The following PCDH15 variants were observed in gnomAD, a reference collection of about 807,000 sequenced individuals.
The protein encoded by PCDH15 is protocadherin related 15, also known as protocadherin-15.
A neutral mutation model predicts 178.5 loss-of-function variants in PCDH15; 129 were observed. The ratio of observed to expected loss-of-function variants is 0.72; its 90% confidence interval spans 0.63 to 0.84. The LOEUF (loss-of-function observed/expected upper bound fraction) is 0.84, where lower values mean the gene tolerates loss of function less well. PCDH15 is among the 40% of genes least tolerant of loss of function. The probability of loss-of-function intolerance (pLI) is 0.00; values close to 1 mark genes in which losing one functional copy is unlikely to be tolerated. For synonymous variants in PCDH15, 800 were observed against 732.0 expected, an observed-to-expected ratio of 1.09 and a Z score of -1.50; for missense variants, 2,230 against 2,099.9, an observed-to-expected ratio of 1.06 and a Z score of -1.21.
At chr10:54,699,943 T>G (rs778401024) in intron 1 of PCDH15, among the ~76,000 whole-genome samples, 3 of 152,076 alleles carry the variant, frequency 2.0e-5, no homozygotes, top group Non-Finnish European at 4.4e-5. Context: ...TTTTATGTAT[T>G]TTAAATATAG....
chr10:54,223,655 G>C (rs1350870602), intron 9 of PCDH15, among the ~76,000 whole-genome samples: 1 of 151,076 alleles, frequency 6.6e-6, no homozygotes, highest in Non-Finnish European at 1.5e-5. Flanking sequence ...ATAGTAAATT[G>C]AAGGAAATGT....
chr10:54,074,604 A>G (rs544440390), intron 17 of PCDH15, among the ~76,000 whole-genome samples: 1 of 152,342 alleles, frequency 6.6e-6, no homozygotes, highest in South Asian at 2.1e-4. Flanking sequence ...ATAAACATGG[A>G]AAACTGGGTT....
At chr10:55,377,897 G>C (rs1413955312) in intron 2 of PCDH15, among the ~76,000 whole-genome samples, 1 of 152,108 alleles carries the variant, frequency 6.6e-6, no homozygotes, top group East Asian at 1.9e-4. Flanking sequence ...ATGAGGTCAT[G>C]TCCTTCGTGG....
At chr10:54,348,851 C>T (rs1943734719) in intron 5 of PCDH15, among the ~76,000 whole-genome samples, 1 of 152,138 alleles carries the variant, frequency 6.6e-6, no homozygotes, top group South Asian at 2.1e-4. Context: ...CCCCTAGTAA[C>T]CACTCTTATA....
chr10:55,452,956 AAGGT>A (rs1270996381), intron 2 of PCDH15, among the ~76,000 whole-genome samples: 1 of 152,210 alleles, frequency 6.6e-6, no homozygotes, highest in Admixed American at 6.6e-5. Context: ...CAGAACAGTA[AAGGT>A]AGAGAATAAG....
chr10:53,905,454 G>A (rs952133754), intron 25 of PCDH15, among the ~76,000 whole-genome samples: 3 of 151,994 alleles, frequency 2.0e-5, no homozygotes, highest in East Asian at 1.9e-4. Flanking sequence ...CTGCCTCAGC[G>A]TCCCTAATGG....
chr10:53,940,880 G>T lies in PCDH15; in HGVS notation c.3218C>A (p.Ser1073Ter). The change falls in exon 24 of 38, where the codon TCA becomes TAA. Residue 1073 changes from serine (S) to a stop codon, truncating the protein, a stop_gained. Transcript: ENST00000644397. LOFTEE classifies it high-confidence loss of function. The part of the protein sequence containing the change: ...INQSIVYSIV[S>*]GNEEDTFGIN... The stretch of plus-strand genomic sequence containing the variant: ...AGTCTACTCACCTTCTTCATTTCCT[G>T]AAACAATGGAGTACACAATACTTTG... 6.2e-7 allele frequency: 1 copy of T among 1,611,438 alleles called. No homozygotes were observed. Among genetic ancestry groups the T allele is most frequent in the South Asian group, 1.1e-5 (1 of 91,040 alleles).
intron 23 of PCDH15, among the ~76,000 whole-genome samples, chr10:53,950,420 T>C (rs757781672): frequency 2.6e-5 from 4 of 152,168 alleles, no homozygotes; most frequent in Non-Finnish European, 4.4e-5. Flanking sequence ...TTCAAGTTGA[T>C]ACATTTCCAT....
At chr10:55,275,424 A>T (rs1012080537) in intron 1 of PCDH15, among the ~76,000 whole-genome samples, 6 of 151,944 alleles carry the variant, frequency 3.9e-5, no homozygotes, top group African/African-American at 1.5e-4. Context: ...CACATGTATC[A>T]ATTTGTTCTT....
chr10:54,029,015 TG>T (rs1321110785), intron 18 of PCDH15, among the ~76,000 whole-genome samples: 1 of 152,154 alleles, frequency 6.6e-6, no homozygotes, highest in Non-Finnish European at 1.5e-5. Context: ...ACACATCTAA[TG>T]GAAACAAAGG....
rs2085802583 is a variant in PCDH15, at chr10:53,938,849, T to C, written c.3339A>G (p.Glu1113=). Residue 1113 remains glutamate (E), a synonymous_variant, in exon 25 of 38, where the codon GAA becomes GAG. Coordinates refer to ENST00000644397, the MANE Select transcript of PCDH15 (RefSeq NM_001384140.1). ...YVLRVQADSL[E]VVLANLRVPS... ...GAACTCGGAGATTGGCAAGGACCACTTCCAGGGAATCAGCTTGGACTCGAA... is the reference window on the plus strand; with the variant it reads ...GAACTCGGAGATTGGCAAGGACCACCTCCAGGGAATCAGCTTGGACTCGAA... 1.2e-6 allele frequency: 2 copies of C among 1,613,482 alleles called. No individual in the cohort carries two copies. Among genetic ancestry groups the C allele is most frequent in the Non-Finnish European group, 1.7e-6 (2 of 1,179,658 alleles).
chr10:55,066,282 A>G (rs1029045040), intron 2 of PCDH15, among the ~76,000 whole-genome samples: 1 of 151,210 alleles, frequency 6.6e-6, no homozygotes, highest in Non-Finnish European at 1.5e-5. Flanking sequence ...CTGGTTAATC[A>G]GTTCTACTTT....
chr10:54,899,558 G>A (rs1031088399), intron 2 of PCDH15, among the ~76,000 whole-genome samples: 3 of 147,410 alleles, frequency 2.0e-5, no homozygotes, highest in African/African-American at 7.5e-5. Flanking sequence ...GTGCAAAGGT[G>A]CGATCTTGGC....
At chr10:53,932,307 T>C (rs1160639948) in intron 25 of PCDH15, among the ~76,000 whole-genome samples, 2 of 152,136 alleles carry the variant, frequency 1.3e-5, no homozygotes, top group Non-Finnish European at 2.9e-5. Flanking sequence ...GTCCTTTGGG[T>C]TGGTTTGGGT....
chr10:54,583,353 T>A (rs2091204597), intron 2 of PCDH15, among the ~76,000 whole-genome samples: 1 of 152,084 alleles, frequency 6.6e-6, no homozygotes, highest in Admixed American at 6.6e-5. Context: ...GCTACTTGGA[T>A]AATTGTTATT....
chr10:54,192,957 G>A (rs1426634274), intron 11 of PCDH15, among the ~76,000 whole-genome samples: 3 of 152,082 alleles, frequency 2.0e-5, no homozygotes, highest in Admixed American at 1.3e-4. Flanking sequence ...GGACAAGAGG[G>A]GGCACCTGAT....
At chr10:53,964,323 C>T (rs962853096) in intron 21 of PCDH15, among the ~76,000 whole-genome samples, 1 of 149,872 alleles carries the variant, frequency 6.7e-6, no homozygotes, top group Non-Finnish European at 1.5e-5. Flanking sequence ...TTACCTGACC[C>T]ATAATATGTA....
intron 1 of PCDH15, among the ~76,000 whole-genome samples, chr10:55,206,928 A>T (rs1342264294): frequency 6.6e-6 from 1 of 152,060 alleles, no homozygotes; most frequent in Non-Finnish European, 1.5e-5. Context: ...GTGAATTTTT[A>T]TACTAATTTG....
At chr10:54,374,460 T>C (rs2134879461) in intron 4 of PCDH15, among the ~76,000 whole-genome samples, 1 of 152,202 alleles carries the variant, frequency 6.6e-6, no homozygotes, top group Middle Eastern at 3.4e-3. Flanking sequence ...TTATTTTAAT[T>C]ATTGATATTG....
Sources: allele counts gnomAD v4.1 joint callset (sites outside exome capture counted in the v4.1 genomes callset), GRCh38; gene constraint gnomAD v4.1.1; transcripts MANE v1.5; gene names NCBI Gene and HGNC (gene_info 2026-07-23, HGNC 2026-07-21).